CRY1: variants seen among roughly 807,000 people sequenced by gnomAD.
CRY1 encodes the protein cryptochrome circadian regulator 1, also known as cryptochrome-1.
A neutral mutation model predicts 76.0 loss-of-function variants in CRY1; 45 were observed. The observed-to-expected ratio is 0.59, with a 90% CI of 0.47 to 0.76. The LOEUF is 0.76. Among genes scored for constraint, CRY1 ranks in the 30% least tolerant of loss-of-function variants. The probability of loss-of-function intolerance (pLI) is 0.00; values close to 1 mark genes in which losing one functional copy is unlikely to be tolerated. For missense variants in CRY1, 587 were observed against 716.4 expected (o/e 0.82, Z 2.06); for synonymous variants, 248 against 244.0 (o/e 1.02, Z -0.15).
chr12:107,087,332 G>A (rs1378310350), intron 1 of CRY1, among the ~76,000 whole-genome samples: 1 of 152,124 alleles, frequency 6.6e-6, no homozygotes, highest in Non-Finnish European at 1.5e-5. Flanking sequence ...CCTCAGCCTG[G>A]AGAAGTGACA....
intron 5 of CRY1, 41 bp downstream of exon 5, chr12:107,001,239 T>A (rs766510536): frequency 2.1e-6 from 3 of 1,431,274 alleles, no homozygotes. Context: ...AAATGGCAGT[T>A]TGGAAATACA....
Position 107,000,031 on chromosome 12 carries a change from C to T in CRY1, c.736G>A (p.Ala246Thr). The T allele has an allele frequency of 1.2e-6, 2 of 1,611,346 alleles. No homozygotes were observed. Among genetic ancestry groups the T allele is most frequent in the South Asian group, 1.1e-5 (1 of 89,826 alleles). The change falls in exon 6 of 13, where the codon GCA becomes ACA. Residue 246 changes from alanine to threonine, a missense_variant. By Grantham distance (58) the Ala-to-Thr change is moderately conservative. Coordinates refer to ENST00000008527, the MANE Select transcript of CRY1 (RefSeq NM_004075.5). The part of the protein sequence containing the change: ...RPRMNANSLL[A>T]SPTGLSPYLR... The stretch of plus-strand genomic sequence containing the variant: ...TAAGGACTAAGTCCAGTAGGGCTTG[C>T]AAGCAGAGAATTCGCATTCATTCGA...
At chr12:106,996,378 G>A (rs1487585978) in intron 10 of CRY1, among the ~76,000 whole-genome samples, 1 of 152,130 alleles carries the variant, frequency 6.6e-6, no homozygotes, top group Non-Finnish European at 1.5e-5. Context: ...TCATCGACTG[G>A]CATTTAGGTT....
chr12:107,049,363 A>C (rs1952889212), intron 1 of CRY1, among the ~76,000 whole-genome samples: 1 of 152,022 alleles, frequency 6.6e-6, no homozygotes, highest in Non-Finnish European at 1.5e-5. Flanking sequence ...TAGCCCCACA[A>C]ATTCTTACTA....
chr12:107,081,387 T>C (rs925437773), intron 1 of CRY1, among the ~76,000 whole-genome samples: 1 of 152,032 alleles, frequency 6.6e-6, no homozygotes, highest in East Asian at 1.9e-4. Flanking sequence ...CACTATGCTG[T>C]GGAGAACACA....
chr12:107,048,850 A>C (rs779828763), intron 1 of CRY1, among the ~76,000 whole-genome samples: 2 of 152,206 alleles, frequency 1.3e-5, no homozygotes, highest in African/African-American at 4.8e-5. Flanking sequence ...TCCATAATTG[A>C]TAAGTCTAAT....
intron 1 of CRY1, among the ~76,000 whole-genome samples, chr12:107,044,718 A>T (rs1389912190): frequency 6.6e-6 from 1 of 152,260 alleles, no homozygotes; most frequent in Non-Finnish European, 1.5e-5. Flanking sequence ...TGAAGAATTC[A>T]ATAAATGAAA....
At position 106,992,875 on chromosome 12, in the gene CRY1, C is replaced by T; in HGVS notation, c.1673G>A (p.Gly558Asp). ...ACGTTTCCCACCACTGAGACCAGTG[C>T]CCATGGAGCTTCTTCCTGCACATTT... ...HLLKQGRSSMGTGLSGGKRPS... is the reference protein window; with the variant it reads ...HLLKQGRSSMDTGLSGGKRPS... Residue 558 changes from glycine (G) to aspartate (D), a missense_variant, in exon 12 of 13, where the codon GGC (glycine) becomes GAC (aspartate). Physicochemically the swap from Gly to Asp is moderately conservative, Grantham distance 94. Transcript: ENST00000008527. The T allele has an allele frequency of 1.2e-6, 2 of 1,613,968 alleles. No individual in the cohort carries two copies.
intron 1 of CRY1, among the ~76,000 whole-genome samples, chr12:107,041,409 A>G (rs947049365): frequency 3.3e-5 from 5 of 152,228 alleles, no homozygotes; most frequent in Admixed American, 6.5e-5. Flanking sequence ...TTTTATATCT[A>G]TCATGGCACT....
At chr12:107,037,630 T>C (rs1024718594) in intron 1 of CRY1, among the ~76,000 whole-genome samples, 6 of 152,112 alleles carry the variant, frequency 3.9e-5, no homozygotes, top group South Asian at 2.1e-4. Flanking sequence ...TCTGAGTGAG[T>C]TGGGAACTCA....
intron 2 of CRY1, among the ~76,000 whole-genome samples, chr12:107,012,486 T>C (rs1339138528): frequency 6.6e-6 from 1 of 152,202 alleles, no homozygotes; most frequent in African/African-American, 2.4e-5. Flanking sequence ...ATATCACTGC[T>C]CACAGACAAA....
chr12:107,045,955 A>G (rs1233774114), intron 1 of CRY1, among the ~76,000 whole-genome samples: 1 of 152,064 alleles, frequency 6.6e-6, no homozygotes, highest in Non-Finnish European at 1.5e-5. Flanking sequence ...AACTTAAAGT[A>G]TAATTACAAA....
intron 2 of CRY1, among the ~76,000 whole-genome samples, chr12:107,019,988 G>A (rs1952536478): frequency 6.6e-6 from 1 of 152,112 alleles, no homozygotes; most frequent in Non-Finnish European, 1.5e-5. Context: ...CAGATTTAGA[G>A]ATAGGGTTGA....
At position 107,089,089 on chromosome 12, in the gene CRY1, T is replaced by C. The variant is rs1218896313; in HGVS notation, c.158+3715A>G. 6.6e-5 allele frequency among the ~76,000 whole-genome samples: 10 copies of C among 152,372 alleles called. 1 individual carries two copies. The highest frequency in any genetic ancestry group is 1.3e-4 in the Non-Finnish European group (9 of 68,026). ...TATATCAGTACTTCATTCCTTTTTA[T>C]GGCCAAATAATATTCCATTATATGG... is the stretch of plus-strand genomic sequence containing the variant. On this transcript the variant is annotated intron_variant, in intron 1 of 12. Coordinates refer to ENST00000008527, the MANE Select transcript of CRY1 (RefSeq NM_004075.5).
intron 1 of CRY1, among the ~76,000 whole-genome samples, chr12:107,023,214 T>C: frequency 6.6e-6 from 1 of 152,214 alleles, no homozygotes; most frequent in East Asian, 1.9e-4. Context: ...GAATAGCAAT[T>C]ATCTCTTACT....
chr12:107,054,614 A>T (rs1952962362), intron 1 of CRY1, among the ~76,000 whole-genome samples: 1 of 151,102 alleles, frequency 6.6e-6, no homozygotes, highest in African/African-American at 2.4e-5. Flanking sequence ...AATATATGCT[A>T]TTTACAAGAG....
intron 1 of CRY1, among the ~76,000 whole-genome samples, chr12:107,052,277 G>A (rs1017410788): frequency 7.9e-5 from 12 of 152,076 alleles, no homozygotes; most frequent in African/African-American, 2.7e-4. Context: ...AAAATCTAAC[G>A]TAATTAGATT....
intron 1 of CRY1, among the ~76,000 whole-genome samples, chr12:107,050,773 T>C (rs2136875189): frequency 6.6e-6 from 1 of 152,250 alleles, no homozygotes; most frequent in Non-Finnish European, 1.5e-5. Flanking sequence ...TTTGTAAAGA[T>C]GACAGAGACA....
chr12:107,090,304 G>A (rs1048292618), intron 1 of CRY1, among the ~76,000 whole-genome samples: 6 of 152,076 alleles, frequency 3.9e-5, no homozygotes, highest in African/African-American at 1.4e-4. Context: ...TATTGGCCAG[G>A]CTGGTCTCAA....
Sources: gnomAD v4.1 joint callset for allele counts (sites outside exome capture counted in the v4.1 genomes callset) on GRCh38, gnomAD v4.1.1 for gene constraint, MANE v1.5 for transcripts, NCBI Gene and HGNC (gene_info 2026-07-23, HGNC 2026-07-21) for gene names.